SSBP2: variants seen among roughly 807,000 people sequenced by gnomAD.
The protein encoded by SSBP2 is single stranded DNA binding protein 2, also known as single-stranded DNA-binding protein 2.
In SSBP2, 17 loss-of-function variants were observed where a neutral mutation model predicts 61.8. The ratio of observed to expected loss-of-function variants is 0.28; its 90% CI spans 0.19 to 0.41. SSBP2 has a LOEUF of 0.41. Among genes scored for constraint, SSBP2 ranks in the 10% least tolerant of loss-of-function variants. SSBP2 has a pLI of 1.00. For synonymous variants in SSBP2, 139 were observed against 141.3 expected (o/e 0.98, Z 0.12); for missense variants, 310 against 458.7 (o/e 0.68, Z 2.96).
At chr5:81,740,413 A>G (rs1756936835) in intron 1 of SSBP2, among the ~76,000 whole-genome samples, 1 of 152,234 alleles carries the variant, frequency 6.6e-6, no homozygotes, top group Non-Finnish European at 1.5e-5. Context: ...CAATCCAATT[A>G]TAAATGACAA....
At chr5:81,661,037 T>A (rs1438696354) in intron 1 of SSBP2, among the ~76,000 whole-genome samples, 2 of 151,974 alleles carry the variant, frequency 1.3e-5, no homozygotes, top group African/African-American at 2.4e-5. Flanking sequence ...GGGAGAGCAT[T>A]AGGACTAATA....
At chr5:81,701,662 T>C (rs1376532439) in intron 1 of SSBP2, among the ~76,000 whole-genome samples, 1 of 152,220 alleles carries the variant, frequency 6.6e-6, no homozygotes, top group African/African-American at 2.4e-5. Context: ...TATAAGGCCT[T>C]TTATTTTAGT....
At chr5:81,736,965 A>G (rs1756665893) in intron 1 of SSBP2, among the ~76,000 whole-genome samples, 1 of 152,188 alleles carries the variant, frequency 6.6e-6, no homozygotes, top group Admixed American at 6.5e-5. Context: ...TATCACTTCA[A>G]AATGATCCCT....
At chr5:81,751,233 G>A (rs553663839), upstream of SSBP2, 2 of 606,646 alleles carry the variant, frequency 3.3e-6, no homozygotes, top group Non-Finnish European at 5.8e-6. Context: ...GCCTTCCGAA[G>A]CGCGCGGTGG....
chr5:81,709,025 AGCCAGG>A (rs1754594249), intron 1 of SSBP2, among the ~76,000 whole-genome samples: 4 of 152,184 alleles, frequency 2.6e-5, no homozygotes, highest in Admixed American at 2.6e-4. Context: ...TTGATGGAAG[AGCCAGG>A]CTACACAGGA....
At chr5:81,510,870 T>C (rs1009088917) in intron 5 of SSBP2, among the ~76,000 whole-genome samples, 7 of 152,168 alleles carry the variant, frequency 4.6e-5, no homozygotes, top group African/African-American at 1.7e-4. Context: ...TGGAGTGATT[T>C]TTCTAAAAAT....
In SSBP2 at chr5:81,655,232, C is replaced by G. The variant is rs1373570389; in HGVS notation, c.63-4893G>C. ...AATTTAAAGATAAATATTGAATATA[C>G]AAATATTTGAACAGTAATACTTTTG... is the stretch of plus-strand genomic sequence containing the variant. On this transcript the variant is annotated intron_variant, in intron 1 of 16. Transcript: ENST00000320672. Among the ~76,000 whole-genome samples the G allele has an allele frequency of 3.3e-5, 5 of 152,146 alleles. No individual in the cohort carries two copies. The East Asian group carries it at 9.6e-4, about 29-fold the overall frequency.
At position 81,520,931 on chromosome 5, in the gene SSBP2, G is replaced by A. The variant is rs544168617; in HGVS notation, c.283-7214C>T. ...TAAGTCACTTTCTTTTTCATGTTTAGTAATCACTGCCTTGAATCTATTTTG... is the reference window on the plus strand; with the variant it reads ...TAAGTCACTTTCTTTTTCATGTTTAATAATCACTGCCTTGAATCTATTTTG... On this transcript the variant is annotated intron_variant, in intron 4 of 16. Coordinates refer to ENST00000320672, the MANE Select transcript of SSBP2 (RefSeq NM_012446.5). 3.9e-5 allele frequency among the ~76,000 whole-genome samples: 6 copies of A among 151,974 alleles called. No individual in the cohort carries two copies. In the East Asian group the frequency reaches 9.7e-4, roughly 25 times the overall value.
intron 4 of SSBP2, among the ~76,000 whole-genome samples, chr5:81,524,653 T>C (rs893272431): frequency 8.6e-5 from 13 of 152,032 alleles, no homozygotes; most frequent in African/African-American, 2.7e-4. Flanking sequence ...TTAAAGCAAT[T>C]CTTCTTCTGG....
At chr5:81,448,159 T>C (rs1050026055) in intron 11 of SSBP2, 2 of 152,348 alleles carry the variant, frequency 1.3e-5, no homozygotes, top group Admixed American at 6.5e-5. Flanking sequence ...TGTGTTGACT[T>C]TGAGATGTAG....
At chr5:81,732,818 A>C (rs148702873) in intron 1 of SSBP2, among the ~76,000 whole-genome samples, 2 of 152,318 alleles carry the variant, frequency 1.3e-5, no homozygotes, top group Non-Finnish European at 2.9e-5. Context: ...TTTTTTAAAA[A>C]AAGATACCAC....
At chr5:81,729,290 T>C (rs1479798731) in intron 1 of SSBP2, among the ~76,000 whole-genome samples, 1 of 152,108 alleles carries the variant, frequency 6.6e-6, no homozygotes, top group African/African-American at 2.4e-5. Context: ...TACCTTCAAA[T>C]AGGTTGGCTT....
At chr5:81,674,312 C>T (rs1451549721) in intron 1 of SSBP2, among the ~76,000 whole-genome samples, 1 of 152,186 alleles carries the variant, frequency 6.6e-6, no homozygotes, top group African/African-American at 2.4e-5. Flanking sequence ...CTACCACTCT[C>T]ACCACATACC....
chr5:81,568,932 G>A (rs180819288), intron 4 of SSBP2, among the ~76,000 whole-genome samples: 3 of 152,284 alleles, frequency 2.0e-5, no homozygotes, highest in Admixed American at 1.3e-4. Context: ...ACAATGGAAG[G>A]AAGGGAGAGA....
At chr5:81,647,663 G>A (rs1046768993) in intron 2 of SSBP2, among the ~76,000 whole-genome samples, 3 of 151,966 alleles carry the variant, frequency 2.0e-5, no homozygotes, top group Non-Finnish European at 4.4e-5. Context: ...TCAGTTTGAC[G>A]TCTCGTGTGA....
chr5:81,434,859 T>C (rs1428960322), intron 15 of SSBP2, among the ~76,000 whole-genome samples: 1 of 152,102 alleles, frequency 6.6e-6, no homozygotes, highest in Non-Finnish European at 1.5e-5. Context: ...TGACTGTGTA[T>C]ACCTCGTAGT....
At chr5:81,422,280 C>G (rs1313295178) in intron 16 of SSBP2, among the ~76,000 whole-genome samples, 1 of 151,986 alleles carries the variant, frequency 6.6e-6, no homozygotes, top group Non-Finnish European at 1.5e-5. Context: ...CTGCAGAAAT[C>G]AGAAAGACAT....
At chr5:81,684,402 G>A (rs183225214) in intron 1 of SSBP2, among the ~76,000 whole-genome samples, 5 of 152,256 alleles carry the variant, frequency 3.3e-5, no homozygotes, top group African/African-American at 1.2e-4. Flanking sequence ...GCAAAACTAT[G>A]GATACAGCAA....
intron 16 of SSBP2, among the ~76,000 whole-genome samples, chr5:81,422,167 CT>C (rs1479432346): frequency 2.2e-4 from 33 of 152,248 alleles, no homozygotes; most frequent in Admixed American, 1.9e-3. Flanking sequence ...TTCCAGGAAC[CT>C]AACCAGAAGC....
Sources: gnomAD v4.1 joint callset for allele counts (sites outside exome capture counted in the v4.1 genomes callset) on GRCh38, gnomAD v4.1.1 for gene constraint, MANE v1.5 for transcripts, NCBI Gene and HGNC (gene_info 2026-07-23, HGNC 2026-07-21) for gene names.